USH2A: variants seen among roughly 807,000 people sequenced by gnomAD.
USH2A encodes the protein usherin, also known as Usher syndrome 2A (autosomal recessive, mild).
Under a neutral mutation model 538.9 loss-of-function variants are expected in USH2A, and 443 were observed. The ratio of observed to expected loss-of-function variants is 0.82; its 90% CI spans 0.76 to 0.89. The LOEUF is 0.89. Ranked by LOEUF, USH2A falls within the 40% of genes least tolerant of loss-of-function variation. USH2A has a pLI of 0.00. For missense variants in USH2A, 6,633 were observed against 6,324.8 expected, an observed-to-expected ratio of 1.05 and a Z score of -1.65; for synonymous variants, 2,413 against 2,273.5, an observed-to-expected ratio of 1.06 and a Z score of -1.75.
chr1:215,758,390 T>A (rs745322137), intron 58 of USH2A, among the ~76,000 whole-genome samples: 1 of 152,262 alleles, frequency 6.6e-6, no homozygotes. Context: ...TACATCGACA[T>A]CTAGATACCT....
At chr1:216,325,833 T>C (rs1048520821) in intron 5 of USH2A, among the ~76,000 whole-genome samples, 1 of 152,170 alleles carries the variant, frequency 6.6e-6, no homozygotes, top group Non-Finnish European at 1.5e-5. Context: ...TTTATTTATA[T>C]CAAGAAGCAT....
At chr1:215,866,820 TG>T (rs1664481835) in intron 44 of USH2A, among the ~76,000 whole-genome samples, 186 bp downstream of exon 44, 1 of 152,172 alleles carries the variant, frequency 6.6e-6, no homozygotes, top group South Asian at 2.1e-4. Context: ...CTAATTTATT[TG>T]GGTACTAATA....
At chr1:216,126,716 C>T (rs1054326505) in intron 21 of USH2A, among the ~76,000 whole-genome samples, 12 of 151,994 alleles carry the variant, frequency 7.9e-5, no homozygotes, top group South Asian at 2.1e-4. Flanking sequence ...ATAAAAGCCA[C>T]GTAACATTAA....
intron 11 of USH2A, among the ~76,000 whole-genome samples, chr1:216,282,810 T>C (rs1277543489): frequency 6.6e-6 from 1 of 152,170 alleles, no homozygotes; most frequent in Non-Finnish European, 1.5e-5. Context: ...TTGGAGAGTG[T>C]TGTTAATTTA....
In USH2A at chr1:215,963,296, C is replaced by A. The variant is rs1436100758; in HGVS notation, c.7120+2021G>T. ...ACCCAGCTGCTGATGGGTGACAGGACAAGACAATATTCAAAATCCTTTCAG... is the reference window on the plus strand; with the variant it reads ...ACCCAGCTGCTGATGGGTGACAGGAAAAGACAATATTCAAAATCCTTTCAG... On this transcript the variant is annotated intron_variant, in intron 37 of 71. Transcript: ENST00000307340. Among the ~76,000 whole-genome samples, 9 of 152,110 alleles carry A rather than the reference C, an allele frequency of 5.9e-5. No homozygotes were observed. The East Asian group carries it at 1.6e-3, about 26-fold the overall frequency.
chr1:215,849,404 C>A (rs1037638982), intron 44 of USH2A, among the ~76,000 whole-genome samples: 2 of 152,064 alleles, frequency 1.3e-5, no homozygotes, highest in Non-Finnish European at 2.9e-5. Context: ...AAAGCAATGG[C>A]AGAATTAAAA....
At chr1:216,235,777 A>G (rs571934776) in intron 13 of USH2A, among the ~76,000 whole-genome samples, 7 of 152,336 alleles carry the variant, frequency 4.6e-5, no homozygotes, top group Admixed American at 4.6e-4. Flanking sequence ...GCTTTATTCA[A>G]GAAAGGAGGG....
At chr1:215,823,136 G>T (rs546514619) in intron 47 of USH2A, among the ~76,000 whole-genome samples, 1 of 152,018 alleles carries the variant, frequency 6.6e-6, no homozygotes, top group East Asian at 1.9e-4. Flanking sequence ...TTATCAGTGG[G>T]TTTACTTTCA....
At position 215,640,739 on chromosome 1, in the gene USH2A, G is replaced by A. The variant is rs1404276963; in HGVS notation, c.14792-5C>T. 6.2e-7 allele frequency: 1 copy of A among 1,612,848 alleles called. No individual in the cohort carries two copies. Among genetic ancestry groups the A allele is most frequent in the African/African-American group, 1.3e-5 (1 of 74,574 alleles). On this transcript the variant is annotated splice_region_variant and splice_polypyrimidine_tract_variant and intron_variant, in intron 67 of 71. Coordinates refer to ENST00000307340, the MANE Select transcript of USH2A (RefSeq NM_206933.4). ...ATGGGGCTCGGTACTGAGGCACTGT[G>A]GGGAGAAAGTTGTATGTTCTAAAAA...
chr1:215,859,542 AT>A (rs1172947302), intron 44 of USH2A, among the ~76,000 whole-genome samples: 3 of 152,160 alleles, frequency 2.0e-5, no homozygotes, highest in Non-Finnish European at 4.4e-5. Context: ...TCCAAAAAAA[AT>A]AAAGTAGTAT....
In USH2A at chr1:215,779,832, T is replaced by TG; in HGVS notation, c.10939+10dup. ...CCTCCAGTAGGATTTCCTTTTTTTT[T>TG]GTTTTCTCACCTGTGACCGTATGCT... On this transcript the variant is annotated intron_variant, in intron 55 of 71. Coordinates refer to ENST00000307340, the MANE Select transcript of USH2A (RefSeq NM_206933.4). 1 of 1,613,312 alleles carries TG rather than the reference T, an allele frequency of 6.2e-7. No individual in the cohort carries two copies. The highest frequency in any genetic ancestry group is 8.5e-7 in the Non-Finnish European group (1 of 1,179,962).
At chr1:216,411,093 A>T (rs1407767698) in intron 3 of USH2A, among the ~76,000 whole-genome samples, 2 of 152,072 alleles carry the variant, frequency 1.3e-5, no homozygotes, top group African/African-American at 2.4e-5. Context: ...TTAAAAAAAA[A>T]ATCTTAACAT....
intron 32 of USH2A, among the ~76,000 whole-genome samples, chr1:216,010,267 C>A (rs1390076107): frequency 6.6e-6 from 1 of 152,186 alleles, no homozygotes; most frequent in African/African-American, 2.4e-5. Context: ...CCTCCTCCTC[C>A]AGGAGCTTGC....
At chr1:216,410,395 T>A (rs1259868741) in intron 3 of USH2A, among the ~76,000 whole-genome samples, 1 of 152,110 alleles carries the variant, frequency 6.6e-6, no homozygotes, top group Non-Finnish European at 1.5e-5. Flanking sequence ...TAAAGACGCA[T>A]GCACATGTAT....
At chr1:216,093,610 C>T (rs947458139) in intron 22 of USH2A, among the ~76,000 whole-genome samples, 2 of 152,154 alleles carry the variant, frequency 1.3e-5, no homozygotes, top group Admixed American at 6.5e-5. Context: ...GGTATCGCAT[C>T]CTTTAGAAAT....
chr1:216,078,461 C>T lies in USH2A; in HGVS notation c.5299-99G>A, dbSNP rs991148815. On this transcript the variant is annotated intron_variant, in intron 26 of 71. Coordinates refer to ENST00000307340, the MANE Select transcript of USH2A (RefSeq NM_206933.4). ...GTCAATTTCTTGAAGAAAAGCAAAA[C>T]AGTTCCCTGAAAGCACTCTATAGAA... is the stretch of plus-strand genomic sequence containing the variant. The T allele has an allele frequency of 3.5e-6, 4 of 1,155,926 alleles. No individual in the cohort carries two copies. In the African/African-American group the frequency reaches 4.6e-5, roughly 13 times the overall value. 71.6% of individuals were successfully genotyped at this position (1,155,926 alleles called of 1,614,324 possible).
At chr1:216,371,718 T>C (rs1419384792) in intron 3 of USH2A, among the ~76,000 whole-genome samples, 1 of 152,168 alleles carries the variant, frequency 6.6e-6, no homozygotes, top group Non-Finnish European at 1.5e-5. Context: ...CTCTAACATT[T>C]ATGTCATTTG....
At chr1:215,975,677 T>G (rs1667603399) in intron 35 of USH2A, among the ~76,000 whole-genome samples, 1 of 152,206 alleles carries the variant, frequency 6.6e-6, no homozygotes, top group Non-Finnish European at 1.5e-5. Flanking sequence ...GGTCTATGTG[T>G]CTGTTTTTGT....
rs1353097584 is a variant in USH2A, at chr1:215,888,444, C to T, written c.8205G>A (p.Leu2735=). The T allele has an allele frequency of 3.1e-6, 5 of 1,613,248 alleles. No individual in the cohort carries two copies. In the Admixed American group the frequency reaches 6.7e-5, roughly 22 times the overall value. The change falls in exon 41 of 72, where the codon CTG becomes CTA. Residue 2735 remains leucine (L), a synonymous_variant. Transcript: ENST00000307340. ...ATCTTACCTGGACTGCATCGGGTTC[C>T]AGCACTGTCACCACAGGTGGCTGCA... The part of the protein sequence containing the change: ...AGVQPPVVTV[L]EPDAVQVTWK...
Sources: allele counts gnomAD v4.1 joint callset (sites outside exome capture counted in the v4.1 genomes callset), GRCh38; gene constraint gnomAD v4.1.1; transcripts MANE v1.5; gene names NCBI Gene and HGNC (gene_info 2026-07-23, HGNC 2026-07-21).